RAB5A: variants seen among roughly 807,000 people sequenced by gnomAD.
RAB5A encodes ras-related protein Rab-5A.
Under a neutral mutation model 25.7 loss-of-function variants are expected in RAB5A, and 8 were observed. The observed-to-expected ratio is 0.31, with a 90% CI of 0.18 to 0.56. The LOEUF (loss-of-function observed/expected upper bound fraction) is 0.56, where lower values mean the gene tolerates loss of function less well. Among genes scored for constraint, RAB5A ranks in the 20% least tolerant of loss-of-function variants. The pLI, the probability that RAB5A is intolerant of heterozygous loss-of-function variation, is 0.91. For synonymous variants in RAB5A, 98 were observed against 89.8 expected (o/e 1.09, Z -0.52); for missense variants, 192 against 259.7 (o/e 0.74, Z 1.79).
chr3:19,964,152 G>C (rs1696628858), intron 2 of RAB5A, among the ~76,000 whole-genome samples: 1 of 152,156 alleles, frequency 6.6e-6, no homozygotes, highest in Non-Finnish European at 1.5e-5. Context: ...CGCTATCCTT[G>C]CACATTTGAC....
chr3:19,964,722 T>C (rs1696636546), intron 2 of RAB5A, among the ~76,000 whole-genome samples: 1 of 152,182 alleles, frequency 6.6e-6, no homozygotes, highest in Non-Finnish European at 1.5e-5. Context: ...CAAACGATTC[T>C]TGTGCCTCAG....
chr3:19,957,157 G>T (rs1198266989), intron 2 of RAB5A, among the ~76,000 whole-genome samples: 1 of 148,206 alleles, frequency 6.7e-6, no homozygotes, highest in Admixed American at 6.6e-5. Flanking sequence ...TCAAACTCCT[G>T]GGCTACAGCA....
intron 3 of RAB5A, 70 bp from the exon 4 acceptor site, chr3:19,975,977 C>T (rs1696818849): frequency 6.5e-7 from 1 of 1,545,968 alleles, no homozygotes. Flanking sequence ...CTTTTAAAGC[C>T]TTGTATCACA....
intron 2 of RAB5A, among the ~76,000 whole-genome samples, chr3:19,966,341 A>G (rs774370410): frequency 6.6e-6 from 1 of 152,188 alleles, no homozygotes; most frequent in Non-Finnish European, 1.5e-5. Context: ...TCAACGTTCC[A>G]TCCATGTTGT....
At chr3:19,960,520 C>T (rs373554945) in intron 2 of RAB5A, among the ~76,000 whole-genome samples, 1 of 152,088 alleles carries the variant, frequency 6.6e-6, no homozygotes, top group Admixed American at 6.5e-5. Context: ...AGGCTGGTCG[C>T]GAACTCCTGA....
intron 2 of RAB5A, among the ~76,000 whole-genome samples, chr3:19,955,337 A>G (rs549572447): frequency 2.0e-5 from 3 of 152,324 alleles, no homozygotes; most frequent in Admixed American, 2.0e-4. Context: ...ATTTTTGTAC[A>G]TTAGCTTAGA....
chr3:19,975,657 T>C lies in RAB5A; in HGVS notation c.220T>C (p.Trp74Arg). Residue 74 changes from tryptophan to arginine, a missense_variant, in exon 3 of 6, where the codon TGG becomes CGG. Trp to Arg is a moderately radical substitution (Grantham distance 101). This residue lies in a region of RAB5A where 39 missense variants were observed against 91.6 expected (regional missense o/e 0.43). Coordinates refer to ENST00000273047, the MANE Select transcript of RAB5A (RefSeq NM_004162.5). ...TGACACTACAGTAAAGTTTGAAATA[T>C]GGGATACAGCTGGTCAAGAACGATA... ...LDDTTVKFEI[W>R]DTAGQERYHS... is the part of the protein sequence containing the mutation. 1.2e-6 allele frequency: 2 copies of C among 1,614,042 alleles called. No individual in the cohort carries two copies. Among genetic ancestry groups the C allele is most frequent in the Non-Finnish European group, 1.7e-6 (2 of 1,179,968 alleles).
chr3:19,958,767 A>G (rs1448358624), intron 2 of RAB5A, among the ~76,000 whole-genome samples: 1 of 151,956 alleles, frequency 6.6e-6, no homozygotes, highest in African/African-American at 2.4e-5. Flanking sequence ...CCTGGGAGGC[A>G]GAGGTTGCAG....
intron 2 of RAB5A, among the ~76,000 whole-genome samples, chr3:19,975,137 A>G (rs1184548666): frequency 2.0e-5 from 3 of 151,788 alleles, no homozygotes; most frequent in Non-Finnish European, 2.9e-5. Flanking sequence ...GAGGCAGGAG[A>G]ATTGCTTGAA....
At chr3:19,983,258 C>T (rs1696965768) in intron 5 of RAB5A, among the ~76,000 whole-genome samples, 1 of 150,712 alleles carries the variant, frequency 6.6e-6, no homozygotes, top group Non-Finnish European at 1.5e-5. Flanking sequence ...ATCACTTGAA[C>T]CCAGGAGGTG....
chr3:19,976,841 T>C (rs750022269), intron 4 of RAB5A, among the ~76,000 whole-genome samples: 4 of 152,216 alleles, frequency 2.6e-5, no homozygotes, highest in Non-Finnish European at 5.9e-5. Context: ...ACCCCACATA[T>C]GTACATACGC....
At position 19,984,789 on chromosome 3, in the gene RAB5A, A is replaced by G. The variant is rs1219971967; in HGVS notation, c.*966A>G. ...ATTTAAGAGTTGCTTAAAAGCATAC[A>G]AAATGTACTGTTACTAAAACAGCTA... On this transcript the variant is annotated 3_prime_UTR_variant, in exon 6 of 6. Coordinates refer to ENST00000273047, the MANE Select transcript of RAB5A (RefSeq NM_004162.5). 1 of 153,166 alleles carries G rather than the reference A, an allele frequency of 6.5e-6. No homozygotes were observed. The highest frequency in any genetic ancestry group is 2.4e-5 in the African/African-American group (1 of 41,472). 9.5% of individuals were successfully genotyped at this position (153,166 alleles called of 1,614,324 possible).
intron 2 of RAB5A, among the ~76,000 whole-genome samples, chr3:19,973,892 G>A (rs1400732762): frequency 6.6e-6 from 1 of 152,124 alleles, no homozygotes; most frequent in Non-Finnish European, 1.5e-5. Context: ...ATACTGGTTA[G>A]TACATCTCTA....
rs386396075 is a variant in RAB5A, at chr3:19,969,045, G to GTTTTTTT, written c.164-6546_164-6540dup. 1.0e-3 allele frequency among the ~76,000 whole-genome samples: 108 copies of GTTTTTTT among 103,390 alleles called. 5 individuals are homozygous for GTTTTTTT. The highest frequency in any genetic ancestry group is 5.7e-3 in the Middle Eastern group (1 of 176). 67.8% of individuals were successfully genotyped at this position (103,390 alleles called of 152,430 possible). A position where few individuals can be genotyped will look rare whatever the true frequency, so the allele number is the denominator to read the frequency against. On this transcript the variant is annotated intron_variant, in intron 2 of 5. Transcript: ENST00000273047. The stretch of plus-strand genomic sequence containing the variant: ...TTTTGGTTTTGGTTTTTTTTTTTTG[G>GTTTTTTT]TTTTTTTTTTTTTTTTGAGATGGAG...
chr3:19,972,786 A>G (rs1164552665), intron 2 of RAB5A, among the ~76,000 whole-genome samples: 1 of 152,104 alleles, frequency 6.6e-6, no homozygotes, highest in Non-Finnish European at 1.5e-5. Flanking sequence ...ATTTCTTTGT[A>G]TTTGGCATTT....
chr3:19,971,565 G>A (rs1040678401), intron 2 of RAB5A, among the ~76,000 whole-genome samples: 3 of 152,136 alleles, frequency 2.0e-5, no homozygotes, highest in South Asian at 2.1e-4. Flanking sequence ...TCTGCCTCCC[G>A]AGTTCAAGTG....
intron 2 of RAB5A, among the ~76,000 whole-genome samples, chr3:19,971,769 C>T (rs1696755998): frequency 6.6e-6 from 1 of 152,158 alleles, no homozygotes; most frequent in Non-Finnish European, 1.5e-5. Context: ...GCCACCGCAC[C>T]TGGCCCAGTA....
At chr3:19,967,854 C>T (rs1696683061) in intron 2 of RAB5A, among the ~76,000 whole-genome samples, 1 of 152,108 alleles carries the variant, frequency 6.6e-6, no homozygotes, top group African/African-American at 2.4e-5. Context: ...TTCTGCAGTC[C>T]ATTCACTGGG....
In RAB5A at chr3:19,984,917, C is replaced by G. The variant is rs8682; in HGVS notation, c.*1094C>G. 0.21 allele frequency: 31,654 copies of G among 154,100 alleles called. 3,922 individuals carry two copies. Among genetic ancestry groups the G allele is most frequent in the African/African-American group, 0.34 (14,289 of 41,478 alleles). 9.5% of individuals were successfully genotyped at this position (154,100 alleles called of 1,614,324 possible). ...CCGTAATTTGTAACATAAAGTATTG[C>G]AATATGTTAGTAACAATCTTGCAGC... On this transcript the variant is annotated 3_prime_UTR_variant, in exon 6 of 6. Coordinates refer to ENST00000273047, the MANE Select transcript of RAB5A (RefSeq NM_004162.5).
Sources: gnomAD v4.1 joint callset for allele counts (sites outside exome capture counted in the v4.1 genomes callset) on GRCh38, gnomAD v4.1.1 for gene constraint, gnomAD v4.1.1 regional missense constraint, MANE v1.5 for transcripts, NCBI Gene and HGNC (gene_info 2026-07-23, HGNC 2026-07-21) for gene names.